The following SLC23A1 variants were observed in gnomAD, a reference collection of about 807,000 sequenced individuals.
The protein encoded by SLC23A1 is Na(+)/L-ascorbic acid transporter 1.
A neutral mutation model predicts 62.5 loss-of-function variants in SLC23A1; 31 were observed. The ratio of observed to expected loss-of-function variants is 0.50; its 90% confidence interval spans 0.37 to 0.67. The LOEUF is 0.67. SLC23A1 is among the 30% of genes least tolerant of loss of function. The probability of loss-of-function intolerance (pLI) is 0.00; values close to 1 mark genes in which losing one functional copy is unlikely to be tolerated. For missense variants in SLC23A1, 640 were observed against 782.7 expected, an observed-to-expected ratio of 0.82 and a Z score of 2.18; for synonymous variants, 271 against 313.2, an observed-to-expected ratio of 0.87 and a Z score of 1.42.
At chr5:139,381,807 T>A in intron 3 of SLC23A1, 85 bp downstream of exon 3, 2 of 1,137,946 alleles carry the variant, frequency 1.8e-6, no homozygotes, top group Non-Finnish European at 2.5e-6. Context: ...GTCTCACCAG[T>A]GTCCTCTGGG....
chr5:139,382,629 CT>C, intron 1 of SLC23A1, 24 bp from the exon 2 acceptor site: 1 of 1,469,718 alleles, frequency 6.8e-7, no homozygotes, highest in Non-Finnish European at 9.5e-7. Flanking sequence ...AGATAAGTAG[CT>C]TAGGGTGAAG....
chr5:139,367,472 C>G lies in SLC23A1; in HGVS notation c.*179G>C, dbSNP rs1038943593. 2 of 152,114 alleles carry G rather than the reference C, an allele frequency of 1.3e-5. No individual in the cohort carries two copies. The highest frequency in any genetic ancestry group is 2.9e-5 in the Non-Finnish European group (2 of 68,018). 9.4% of individuals were successfully genotyped at this position (152,114 alleles called of 1,614,324 possible). A position where few individuals can be genotyped will look rare whatever the true frequency, so the allele number is the denominator to read the frequency against. On this transcript the variant is annotated 3_prime_UTR_variant, in exon 15 of 15. Transcript: ENST00000348729. ...AAGACTCAGACTTTGGCCCATTCCC[C>G]CCCACCCCTTTTTTTTTAACTGATG... is the stretch of plus-strand genomic sequence containing the variant.
chr5:139,370,418 G>A (rs563220315), intron 14 of SLC23A1, among the ~76,000 whole-genome samples: 2 of 151,958 alleles, frequency 1.3e-5, no homozygotes, highest in Admixed American at 6.6e-5. Context: ...TTATCCACCT[G>A]CCTCGGCCTC....
upstream of SLC23A1, chr5:139,384,635 A>C: frequency 8.1e-7 from 1 of 1,229,536 alleles, no homozygotes; most frequent in Non-Finnish European, 1.0e-6. Context: ...ACCAAGCCCG[A>C]CCCCCTGCAG....
chr5:139,372,256 G>A lies in SLC23A1; in HGVS notation c.1550-3C>T, dbSNP rs1757710777. On this transcript the variant is annotated splice_polypyrimidine_tract_variant and splice_region_variant and intron_variant, in intron 13 of 14. Transcript: ENST00000348729. ...CAGACCACGCTCCTCTGGGCTCCCT[G>A]GAAGAGGATAGTGAGGTCATTTACC... The A allele has an allele frequency of 6.2e-7, 1 of 1,611,714 alleles. No individual in the cohort carries two copies. The highest frequency in any genetic ancestry group is 1.3e-5 in the African/African-American group (1 of 74,840).
chr5:139,370,087 A>G (rs1451477196), intron 14 of SLC23A1, among the ~76,000 whole-genome samples: 1 of 152,232 alleles, frequency 6.6e-6, no homozygotes, highest in East Asian at 1.9e-4. Flanking sequence ...AGAGCCATAT[A>G]GTCAGTTCTG....
chr5:139,369,551 A>G (rs1757523212), intron 14 of SLC23A1: 1 of 152,680 alleles, frequency 6.5e-6, no homozygotes, highest in African/African-American at 2.4e-5. Context: ...GAGAGTCTGC[A>G]GCACAACTTT....
chr5:139,382,587 G>T lies in SLC23A1; in HGVS notation c.55C>A (p.Pro19Thr). ...GGCTCTGTGGGTAGCGGGGTCGAGG[G>T]GTCCCTGGTGGTTTCATGCTGGAGG... ...GRTQHETTRD[P>T]STPLPTEPKF... Residue 19 changes from proline to threonine, a missense_variant, in exon 2 of 15, where the codon CCC becomes ACC. Pro to Thr is a conservative substitution (Grantham distance 38). Coordinates refer to ENST00000348729, the MANE Select transcript of SLC23A1 (RefSeq NM_005847.5). The T allele has an allele frequency of 1.9e-6, 3 of 1,612,022 alleles. No homozygotes were observed. The highest frequency in any genetic ancestry group is 2.5e-6 in the Non-Finnish European group (3 of 1,178,566).
At chr5:139,380,522 C>T (rs370113023) in intron 5 of SLC23A1, 43 bp downstream of exon 5, 85 of 1,605,126 alleles carry the variant, frequency 5.3e-5, no homozygotes, top group Non-Finnish European at 6.8e-5. Context: ...CATATAGCCC[C>T]TCCTCAGGAC....
upstream of SLC23A1, chr5:139,384,635 AC>A (rs1758438615): frequency 1.6e-6 from 2 of 1,229,420 alleles, no homozygotes; most frequent in South Asian, 1.4e-5. Context: ...ACCAAGCCCG[AC>A]CCCCTGCAGA....
chr5:139,383,388 C>G, upstream of SLC23A1: 5 of 1,475,722 alleles, frequency 3.4e-6, no homozygotes, highest in Non-Finnish European at 4.5e-6. Context: ...CTCTGGATTG[C>G]GAAAGGGGGG....
intron 13 of SLC23A1, among the ~76,000 whole-genome samples, chr5:139,373,740 G>C (rs1757802987): frequency 6.6e-6 from 1 of 151,780 alleles, no homozygotes; most frequent in Non-Finnish European, 1.5e-5. Flanking sequence ...ACACTGTTTG[G>C]GCTTGGCTCT....
At chr5:139,372,774 G>A (rs943596787) in intron 13 of SLC23A1, among the ~76,000 whole-genome samples, 2 of 151,942 alleles carry the variant, frequency 1.3e-5, no homozygotes, top group South Asian at 2.1e-4. Context: ...TAGTAGAGAC[G>A]GGGTGTCACT....
chr5:139,381,518 C>T (rs148228471), intron 3 of SLC23A1, among the ~76,000 whole-genome samples: 203 of 146,858 alleles, frequency 1.4e-3, no homozygotes, highest in Non-Finnish European at 2.0e-3. Flanking sequence ...CGCTTGAACG[C>T]GGGAGAATCG....
intron 12 of SLC23A1, 72 bp from the exon 13 acceptor site, chr5:139,377,569 G>C: frequency 1.2e-6 from 1 of 818,062 alleles, no homozygotes; most frequent in Non-Finnish European, 2.1e-6. Context: ...ACTTCCTCTT[G>C]TGCAGCTATG....
Position 139,378,814 on chromosome 5 carries a change from C to A in SLC23A1, c.1074-130G>T. On this transcript the variant is annotated intron_variant, in intron 9 of 14. Transcript: ENST00000348729. This position sits in a 1 kb window ranked among gnomAD's most constrained non-coding sequence, Gnocchi z 4.5. Reference sequence around the variant, plus strand: ...CTATCAGCTGTAGCACTCCCTACTACAGGCCAGAATGCTCAGGCTCCAGAG... The same window carrying A: ...CTATCAGCTGTAGCACTCCCTACTAAAGGCCAGAATGCTCAGGCTCCAGAG... 1.4e-6 allele frequency: 1 copy of A among 700,796 alleles called. No individual in the cohort carries two copies. Among genetic ancestry groups the A allele is most frequent in the Non-Finnish European group, 2.5e-6 (1 of 400,062 alleles). 43.4% of individuals were successfully genotyped at this position (700,796 alleles called of 1,614,324 possible).
intron 13 of SLC23A1, among the ~76,000 whole-genome samples, chr5:139,374,930 T>A (rs1231486272): frequency 2.6e-5 from 4 of 152,154 alleles, no homozygotes; most frequent in Admixed American, 2.6e-4. Flanking sequence ...TAGCATCCTC[T>A]AAATGGGCAG....
At chr5:139,368,711 T>G in intron 14 of SLC23A1, 3 of 1,592,572 alleles carry the variant, frequency 1.9e-6, no homozygotes, top group Non-Finnish European at 2.6e-6. Flanking sequence ...TGAACTTGCT[T>G]TTTTATGTAC....
intron 14 of SLC23A1, among the ~76,000 whole-genome samples, chr5:139,368,551 A>T (rs772396286): frequency 6.6e-6 from 1 of 151,974 alleles, no homozygotes; most frequent in Non-Finnish European, 1.5e-5. Flanking sequence ...GAAAAAGTTG[A>T]TGTAATTTAA....
Sources: gnomAD v4.1 joint callset for allele counts (sites outside exome capture counted in the v4.1 genomes callset) on GRCh38, gnomAD v4.1.1 for gene constraint, Gnocchi (gnomAD v3.1) non-coding constraint, MANE v1.5 for transcripts, NCBI Gene and HGNC (gene_info 2026-07-23, HGNC 2026-07-21) for gene names.